The following AFF3 variants were observed in gnomAD, a reference collection of about 807,000 sequenced individuals.
The protein encoded by AFF3 is AF4/FMR2 family member 3.
AFF3 carries 32 observed loss-of-function variants against 129.7 expected under a neutral mutation model. The observed-to-expected ratio is 0.25, with a 90% CI of 0.19 to 0.33. AFF3 has a LOEUF of 0.33. Among genes scored for constraint, AFF3 ranks in the 10% least tolerant of loss-of-function variants. AFF3 has a pLI of 1.00. For missense variants in AFF3, 1,373 were observed against 1,592.0 expected (o/e 0.86, Z 2.34); for synonymous variants, 644 against 635.4 (o/e 1.01, Z -0.20).
intron 7 of AFF3, among the ~76,000 whole-genome samples, chr2:99,952,105 C>A (rs915202436): frequency 6.6e-6 from 1 of 152,142 alleles, no homozygotes; most frequent in African/African-American, 2.4e-5. Flanking sequence ...CCAAGTCTCA[C>A]GTCGAATTAT....
intron 11 of AFF3, among the ~76,000 whole-genome samples, chr2:99,702,524 G>A (rs970870963): frequency 2.0e-5 from 3 of 152,070 alleles, no homozygotes; most frequent in Non-Finnish European, 4.4e-5. Flanking sequence ...ATTTTTAGTA[G>A]AGACAGGGTT....
At chr2:99,703,529 G>A (rs541290661) in intron 11 of AFF3, among the ~76,000 whole-genome samples, 21 of 152,188 alleles carry the variant, frequency 1.4e-4, no homozygotes, top group Admixed American at 3.3e-4. Flanking sequence ...ACCAATCTCC[G>A]TCTTTTAATT....
intron 8 of AFF3, among the ~76,000 whole-genome samples, chr2:99,770,408 C>T (rs1185894070): frequency 2.0e-5 from 3 of 152,008 alleles, no homozygotes; most frequent in Non-Finnish European, 2.9e-5. Flanking sequence ...CCAGGGAAGG[C>T]CCAGAGATGG....
intron 13 of AFF3, among the ~76,000 whole-genome samples, chr2:99,608,825 T>G (rs1022884494): frequency 2.6e-5 from 4 of 152,228 alleles, no homozygotes; most frequent in African/African-American, 9.6e-5. Context: ...TTGAAAAGTT[T>G]TAACAATGAA....
chr2:99,681,761 A>G (rs1251852397), intron 11 of AFF3, among the ~76,000 whole-genome samples: 1 of 152,144 alleles, frequency 6.6e-6, no homozygotes, highest in East Asian at 1.9e-4. Context: ...TGAGGAATAA[A>G]TTACTGTCAT....
At chr2:99,577,588 T>C (rs1309714007) in intron 18 of AFF3, among the ~76,000 whole-genome samples, 2 of 152,254 alleles carry the variant, frequency 1.3e-5, no homozygotes, top group Admixed American at 6.5e-5. Context: ...CACCCAGCCA[T>C]GTATTTGACG....
intron 7 of AFF3, among the ~76,000 whole-genome samples, chr2:99,996,270 GC>G: frequency 6.6e-6 from 1 of 152,126 alleles, no homozygotes; most frequent in Non-Finnish European, 1.5e-5. Context: ...AAATATAATA[GC>G]TTTAATCCCA....
chr2:99,940,532 C>T (rs1223264434), intron 7 of AFF3, among the ~76,000 whole-genome samples: 1 of 152,172 alleles, frequency 6.6e-6, no homozygotes, highest in African/African-American at 2.4e-5. Context: ...GACCTCTGGT[C>T]GTCCTCACTG....
chr2:100,020,190 C>T (rs879012904), intron 4 of AFF3, among the ~76,000 whole-genome samples: 1 of 151,660 alleles, frequency 6.6e-6, no homozygotes, highest in Admixed American at 6.6e-5. Flanking sequence ...CTTTTCACTC[C>T]CCTATCTCCC....
intron 13 of AFF3, among the ~76,000 whole-genome samples, chr2:99,617,316 T>G (rs954829142): frequency 6.6e-6 from 1 of 152,212 alleles, no homozygotes; most frequent in South Asian, 2.1e-4. Flanking sequence ...TGTCGGCAAC[T>G]GTTATTGTCC....
rs143803085 is a variant in AFF3 at position 99,604,122 on chromosome 2, G to A, written c.1185-2501C>T. Among the ~76,000 whole-genome samples, 301 of 152,234 alleles carry A rather than the reference G, an allele frequency of 2.0e-3. 1 individual carries two copies. The highest frequency in any genetic ancestry group is 6.4e-3 in the African/African-American group (265 of 41,532). ...CTCAACCCAGCAATCCCATTACTGG[G>A]TATATACCCAAAGGAATATAGATCA... On this transcript the variant is annotated intron_variant, in intron 13 of 24. Coordinates refer to ENST00000672756, the MANE Select transcript of AFF3 (RefSeq NM_001386135.1).
chr2:100,079,148 G>A (rs1428681621), intron 4 of AFF3, among the ~76,000 whole-genome samples: 2 of 151,828 alleles, frequency 1.3e-5, no homozygotes, highest in East Asian at 1.9e-4. Flanking sequence ...GAGTTTCACC[G>A]TATTAGCCAG....
At chr2:99,736,147 G>C (rs1440488597) in intron 10 of AFF3, among the ~76,000 whole-genome samples, 1 of 152,064 alleles carries the variant, frequency 6.6e-6, no homozygotes, top group Non-Finnish European at 1.5e-5. Context: ...TCATTGTGTT[G>C]TTTAAATCTT....
At chr2:99,644,008 C>T (rs1684460685) in intron 13 of AFF3, among the ~76,000 whole-genome samples, 1 of 152,242 alleles carries the variant, frequency 6.6e-6, no homozygotes, top group South Asian at 2.1e-4. Context: ...GCCAAGAGCA[C>T]AGCCACACGG....
intron 13 of AFF3, among the ~76,000 whole-genome samples, chr2:99,636,718 G>GGGCC (rs971554840): frequency 1.3e-5 from 2 of 152,332 alleles, no homozygotes; most frequent in African/African-American, 4.8e-5. Flanking sequence ...ACGTGGCAGT[G>GGGCC]GGCCAGCCAG....
At chr2:100,070,614 AT>A (rs969571454) in intron 4 of AFF3, among the ~76,000 whole-genome samples, 3 of 152,030 alleles carry the variant, frequency 2.0e-5, no homozygotes, top group African/African-American at 4.8e-5. Flanking sequence ...ATACATGATA[AT>A]TTTTTTTCCA....
chr2:100,057,694 C>T (rs921645162), intron 4 of AFF3, among the ~76,000 whole-genome samples: 7 of 152,108 alleles, frequency 4.6e-5, no homozygotes, highest in Admixed American at 4.6e-4. Context: ...ATGCTACCTC[C>T]CCACAATCTC....
chr2:99,656,329 T>C (rs1685745173), intron 12 of AFF3, among the ~76,000 whole-genome samples: 2 of 152,224 alleles, frequency 1.3e-5, no homozygotes, highest in African/African-American at 4.8e-5. Context: ...CCATTTTTGC[T>C]ATCAACAGTA....
chr2:99,629,711 AG>A (rs1373328617), intron 13 of AFF3, among the ~76,000 whole-genome samples: 2 of 152,198 alleles, frequency 1.3e-5, no homozygotes, highest in Admixed American at 6.5e-5. Flanking sequence ...TCAAGGTGCC[AG>A]TGGATTTGGT....
Sources: gnomAD v4.1 joint callset for allele counts (sites outside exome capture counted in the v4.1 genomes callset) on GRCh38, gnomAD v4.1.1 for gene constraint, MANE v1.5 for transcripts, NCBI Gene and HGNC (gene_info 2026-07-23, HGNC 2026-07-21) for gene names.